The following MGAM2 variants were observed in gnomAD, a reference collection of about 807,000 sequenced individuals.
The protein encoded by MGAM2 is probable maltase-glucoamylase 2.
A neutral mutation model predicts 96.1 loss-of-function variants in MGAM2; 98 were observed. The ratio of observed to expected loss-of-function variants is 1.02; its 90% CI spans 0.87 to 1.21. MGAM2 has a LOEUF of 1.21. MGAM2 is among the 50% of genes most tolerant of loss of function. MGAM2 has a pLI of 0.00. For synonymous variants in MGAM2, 749 were observed against 414.8 expected (o/e 1.81, Z -9.79); for missense variants, 2,055 against 1,182.4 (o/e 1.74, Z -10.82).
intron 2 of MGAM2, among the ~76,000 whole-genome samples, chr7:142,117,699 C>G (rs1251555017): frequency 6.6e-6 from 1 of 152,088 alleles, no homozygotes; most frequent in South Asian, 2.1e-4. Context: ...AAGACACTTT[C>G]TAGGAACTAT....
Position 142,189,221 on chromosome 7 carries a change from T to C in MGAM2, c.4208-146T>C. The C allele has an allele frequency of 1.7e-5, 9 of 525,240 alleles. No homozygotes were observed. In the South Asian group the frequency reaches 2.4e-4, roughly 14 times the overall value. The allele number at this position is 525,240 out of a possible 1,614,324, so 32.5% of individuals were successfully genotyped here. A position where few individuals can be genotyped will look rare whatever the true frequency, so the allele number is the denominator to read the frequency against. On this transcript the variant is annotated intron_variant, in intron 36 of 47. Coordinates refer to ENST00000477922, the MANE Select transcript of MGAM2 (RefSeq NM_001293626.2). The stretch of plus-strand genomic sequence containing the variant: ...TTAGTTATAAAGACACAGAACATTG[T>C]TTTCTATAGACTAAAACCTCATAAA...
chr7:142,220,643 T>G lies in MGAM2; in HGVS notation c.6132T>G (p.Pro2044=). The part of the protein sequence containing the change: ...TGTTVPDTTA[P]FPTSTTSTST... Reference sequence around the variant, plus strand: ...CTACTGTTCCTGATACAACTGCTCCTTTCCCTACAAGTACTACTAGTACTA... The same window carrying G: ...CTACTGTTCCTGATACAACTGCTCCGTTCCCTACAAGTACTACTAGTACTA... Residue 2044 remains proline (P), a synonymous_variant, in exon 48 of 48, where the codon CCT becomes CCG. Transcript: ENST00000477922. 1 of 702,386 alleles carries G rather than the reference T, an allele frequency of 1.4e-6. No homozygotes were observed. The highest frequency in any genetic ancestry group is 2.6e-6 in the Non-Finnish European group (1 of 384,864). 43.5% of individuals were successfully genotyped at this position (702,386 alleles called of 1,614,324 possible).
At chr7:142,130,515 T>C (rs982698245) in intron 3 of MGAM2, among the ~76,000 whole-genome samples, 7 of 152,328 alleles carry the variant, frequency 4.6e-5, no homozygotes, top group African/African-American at 1.4e-4. Flanking sequence ...CTGTCTAACC[T>C]CCCCTGGTGC....
chr7:142,139,614 C>A (rs971603254), intron 10 of MGAM2, among the ~76,000 whole-genome samples: 2 of 148,504 alleles, frequency 1.3e-5, no homozygotes, highest in South Asian at 2.1e-4. Flanking sequence ...GAGCTGAGAT[C>A]GCGCCACTAC....
intron 2 of MGAM2, among the ~76,000 whole-genome samples, chr7:142,117,389 A>G (rs1268144528): frequency 6.6e-6 from 1 of 152,194 alleles, no homozygotes; most frequent in African/African-American, 2.4e-5. Context: ...TGGTTATACC[A>G]ACATACATAG....
intron 17 of MGAM2, among the ~76,000 whole-genome samples, chr7:142,157,472 A>G (rs1368423042): frequency 6.6e-6 from 1 of 151,412 alleles, no homozygotes; most frequent in Non-Finnish European, 1.5e-5. Flanking sequence ...GCTCACTGCA[A>G]CCTCCAACTC....
At chr7:142,122,914 C>T (rs1794624946) in intron 3 of MGAM2, among the ~76,000 whole-genome samples, 1 of 152,158 alleles carries the variant, frequency 6.6e-6, no homozygotes, top group Non-Finnish European at 1.5e-5. Context: ...ACTGCAACCT[C>T]TGCCTCCCCG....
rs781252687 is a variant in MGAM2 at position 142,148,007 on chromosome 7, T to C, written c.1634+434T>C. Among the ~76,000 whole-genome samples the C allele has an allele frequency of 4.2e-4, 64 of 152,162 alleles. No homozygotes were observed. Among genetic ancestry groups the C allele is most frequent in the Non-Finnish European group, 7.3e-4 (50 of 68,036 alleles). On this transcript the variant is annotated intron_variant, in intron 15 of 47. Transcript: ENST00000477922. The surrounding 1 kb of genome is among the most constrained non-coding windows in gnomAD (Gnocchi z 4.2). The stretch of plus-strand genomic sequence containing the variant: ...AATTTACCTGTATTTCCTTTATTTA[T>C]CTGGAAATGCTACACCATATCCTTC...
intron 23 of MGAM2, 58 bp from the exon 24 acceptor site, chr7:142,164,798 G>C (rs1426525781): frequency 1.0e-5 from 6 of 599,446 alleles, no homozygotes; most frequent in African/African-American, 5.6e-5. Flanking sequence ...CTGGTATTTG[G>C]GGATAATAAG....
chr7:142,184,428 T>C (rs1183005676), intron 33 of MGAM2, among the ~76,000 whole-genome samples: 2 of 152,232 alleles, frequency 1.3e-5, no homozygotes, highest in Non-Finnish European at 2.9e-5. Context: ...TAGCATACAG[T>C]GTAGCATTTA....
At chr7:142,158,821 T>C (rs1795810773) in intron 19 of MGAM2, among the ~76,000 whole-genome samples, 1 of 152,182 alleles carries the variant, frequency 6.6e-6, no homozygotes, top group Admixed American at 6.5e-5. Context: ...CAGGGGTAAG[T>C]GGCAAAGTGT....
At chr7:142,172,241 C>G (rs1796218705) in intron 29 of MGAM2, 47 bp downstream of exon 29, 1 of 681,476 alleles carries the variant, frequency 1.5e-6, no homozygotes, top group Non-Finnish European at 2.7e-6. Context: ...ACAGCTGTGA[C>G]CGCTCTATTT....
chr7:142,167,456 C>A lies in MGAM2; in HGVS notation c.2997C>A (p.Ile999=). ...AKISFLHLKV[I]YHTATMLQVK... The stretch of plus-strand genomic sequence containing the variant: ...TCAGCTTCCTCCACCTGAAAGTGAT[C>A]TATCACACAGCAACCATGCTGCAGG... Residue 999 remains isoleucine, a synonymous_variant, in exon 26 of 48, where the codon ATC becomes ATA. Coordinates refer to ENST00000477922, the MANE Select transcript of MGAM2 (RefSeq NM_001293626.2). 1 of 703,048 alleles carries A rather than the reference C, an allele frequency of 1.4e-6. No homozygotes were observed. The highest frequency in any genetic ancestry group is 2.6e-6 in the Non-Finnish European group (1 of 385,004). The allele number at this position is 703,048 out of a possible 1,614,324, so 43.6% of individuals were successfully genotyped here.
intron 7 of MGAM2, among the ~76,000 whole-genome samples, chr7:142,134,741 C>T (rs1795004977): frequency 6.6e-6 from 1 of 150,864 alleles, no homozygotes; most frequent in Admixed American, 6.6e-5. Flanking sequence ...TGGATTAATG[C>T]CTCTCAGCTT....
intron 45 of MGAM2, among the ~76,000 whole-genome samples, chr7:142,203,887 A>G (rs1016908973): frequency 6.6e-6 from 1 of 152,176 alleles, no homozygotes; most frequent in African/African-American, 2.4e-5. Context: ...CAAACTATAA[A>G]AATCCTAGAA....
In MGAM2 at chr7:142,114,204, A is replaced by G. The variant is rs527566357; in HGVS notation, c.-1+2397A>G. On this transcript the variant is annotated intron_variant, in intron 1 of 47. Transcript: ENST00000477922. ...AAAGAAAGAAAGAAAGAAAGAAAGAAAGAAAGAAAGAGAGAAAGAAAGAAA... is the reference window on the plus strand; with the variant it reads ...AAAGAAAGAAAGAAAGAAAGAAAGAGAGAAAGAAAGAGAGAAAGAAAGAAA... Among the ~76,000 whole-genome samples the G allele has an allele frequency of 5.1e-3, 717 of 140,288 alleles. 12 individuals carry two copies. Among genetic ancestry groups the G allele is most frequent in the East Asian group, 0.014 (72 of 5,006 alleles). The allele number at this position is 140,288 out of a possible 152,430, so 92.0% of individuals were successfully genotyped here.
chr7:142,160,165 T>C lies in MGAM2; in HGVS notation c.2252T>C (p.Val751Ala), dbSNP rs775966390. Residue 751 changes from valine to alanine, a missense_variant, in exon 21 of 48, where the codon GTG becomes GCG. Coordinates refer to ENST00000477922, the MANE Select transcript of MGAM2 (RefSeq NM_001293626.2). ...GCCATCTCATGGAGGAAACAGTTGG[T>C]GAATATGCTTCTCCCAGGTGACAAG... The part of the protein sequence containing the change: ...GVAISWRKQL[V>A]NMLLPGDKIG... The C allele has an allele frequency of 1.3e-5, 9 of 702,586 alleles. No individual in the cohort carries two copies. In the South Asian group the frequency reaches 1.3e-4, roughly 10 times the overall value. 43.5% of individuals were successfully genotyped at this position (702,586 alleles called of 1,614,324 possible).
rs567518439 is a variant in MGAM2, at chr7:142,141,051, G to A, written c.1249G>A (p.Glu417Lys). 27 of 701,318 alleles carry A rather than the reference G, an allele frequency of 3.8e-5. No individual in the cohort carries two copies. The highest frequency in any genetic ancestry group is 1.4e-4 in the Admixed American group (7 of 49,938). The allele number at this position is 701,318 out of a possible 1,614,324, so 43.4% of individuals were successfully genotyped here. Residue 417 changes from glutamate to lysine, a missense_variant, in exon 12 of 48, where the codon GAG (glutamate) becomes AAG (lysine). Coordinates refer to ENST00000477922, the MANE Select transcript of MGAM2 (RefSeq NM_001293626.2). Reference sequence around the variant, plus strand: ...TGGCATCTCCAAAAACTCTAACTACGAGCCCTATAATAATGGAAGCCTAAA... The same window carrying A: ...TGGCATCTCCAAAAACTCTAACTACAAGCCCTATAATAATGGAAGCCTAAA... ...NPGISKNSNYEPYNNGSLKRV... is the reference protein window; with the variant it reads ...NPGISKNSNYKPYNNGSLKRV...
rs949934033 is a variant in MGAM2, at chr7:142,167,248, A to C, written c.2809-20A>C. On this transcript the variant is annotated intron_variant, in intron 25 of 47. Coordinates refer to ENST00000477922, the MANE Select transcript of MGAM2 (RefSeq NM_001293626.2). ...AGTGTTGTATCAGAGGCTGAGCAAG[A>C]CTTTCTCCTGTTATTCCAGGACACA... The C allele has an allele frequency of 9.0e-6, 6 of 665,904 alleles. No homozygotes were observed. Among genetic ancestry groups the C allele is most frequent in the Non-Finnish European group, 1.6e-5 (6 of 365,060 alleles). 41.2% of individuals were successfully genotyped at this position (665,904 alleles called of 1,614,324 possible). A position where few individuals can be genotyped will look rare whatever the true frequency, so the allele number is the denominator to read the frequency against.
Sources: gnomAD v4.1 joint callset for allele counts (sites outside exome capture counted in the v4.1 genomes callset) on GRCh38, gnomAD v4.1.1 for gene constraint, Gnocchi (gnomAD v3.1) non-coding constraint, MANE v1.5 for transcripts, NCBI Gene and HGNC (gene_info 2026-07-23, HGNC 2026-07-21) for gene names.